Variants in R3HDM1 observed in about 807,000 individuals in gnomAD.
R3HDM1 encodes the protein R3H domain containing 1.
In R3HDM1, 46 loss-of-function variants were observed where a neutral mutation model predicts 141.1. The observed-to-expected ratio is 0.33, with a 90% CI of 0.26 to 0.42. The LOEUF is 0.42. Among genes scored for constraint, R3HDM1 ranks in the 10% least tolerant of loss-of-function variants. The pLI, the probability that R3HDM1 is intolerant of heterozygous loss-of-function variation, is 1.00. For missense variants in R3HDM1, 1,184 were observed against 1,368.3 expected (o/e 0.87, Z 2.12); for synonymous variants, 435 against 472.9 (o/e 0.92, Z 1.04).
At chr2:135,580,584 G>A (rs1706584192) in intron 1 of R3HDM1, among the ~76,000 whole-genome samples, 1 of 152,122 alleles carries the variant, frequency 6.6e-6, no homozygotes, top group African/African-American at 2.4e-5. Context: ...CCCTTTAAGT[G>A]AAAAATCTGT....
intron 1 of R3HDM1, among the ~76,000 whole-genome samples, chr2:135,537,174 TAAA>T (rs60737602): frequency 1.0e-4 from 12 of 115,216 alleles, no homozygotes; most frequent in East Asian, 4.8e-4. Context: ...CTCTGGAATT[TAAA>T]AAAAAAAAAA....
In R3HDM1 at chr2:135,623,630, A is replaced by G. The variant is rs78496088; in HGVS notation, c.497+898A>G. On this transcript the variant is annotated intron_variant, in intron 7 of 26. Transcript: ENST00000683871. ...ATAGGTAAGGATTTAGAGAGAAGGT[A>G]GGCAACTCTCCTTGACTTTTTTTCC... Among the ~76,000 whole-genome samples the G allele has an allele frequency of 9.0e-3, 1,370 of 152,328 alleles. 19 individuals carry two copies. The highest frequency in any genetic ancestry group is 0.03 in the African/African-American group (1,234 of 41,566).
intron 18 of R3HDM1, among the ~76,000 whole-genome samples, chr2:135,658,960 C>T (rs1245957556): frequency 6.6e-6 from 1 of 152,112 alleles, no homozygotes; most frequent in African/African-American, 2.4e-5. Flanking sequence ...CAGTAACACA[C>T]GTGGAGCTGT....
chr2:135,668,994 A>G (rs1014933031), intron 19 of R3HDM1: 4 of 339,214 alleles, frequency 1.2e-5, no homozygotes, highest in African/African-American at 8.9e-5. Context: ...GGAACCTGAA[A>G]TAGTGTCACT....
intron 21 of R3HDM1, among the ~76,000 whole-genome samples, chr2:135,690,254 A>C (rs530179601): frequency 6.6e-6 from 1 of 152,072 alleles, no homozygotes; most frequent in Non-Finnish European, 1.5e-5. Context: ...TGTTTGCCTC[A>C]GCTATCCTTT....
chr2:135,554,747 T>C (rs186138660), intron 1 of R3HDM1, among the ~76,000 whole-genome samples: 1 of 152,278 alleles, frequency 6.6e-6, no homozygotes, highest in African/African-American at 2.4e-5. Flanking sequence ...AAATGGCCAT[T>C]TACAAGCCAA....
chr2:135,576,864 G>T (rs1178907718), intron 1 of R3HDM1: 1 of 161,054 alleles, frequency 6.2e-6, no homozygotes. Flanking sequence ...GGTCTAAAGA[G>T]GGGTGACTGA....
At chr2:135,576,945 G>C (rs1705578734) in intron 1 of R3HDM1, 3 of 273,524 alleles carry the variant, frequency 1.1e-5, no homozygotes, top group Non-Finnish European at 1.7e-5. Flanking sequence ...CTACACAACT[G>C]TATGAATATA....
intron 11 of R3HDM1, among the ~76,000 whole-genome samples, 191 bp from the exon 12 acceptor site, chr2:135,638,427 T>C (rs1344854905): frequency 6.6e-6 from 1 of 152,246 alleles, no homozygotes; most frequent in Non-Finnish European, 1.5e-5. Flanking sequence ...ATGTATATTA[T>C]ATATTTGTTA....
chr2:135,592,896 C>A (rs1709631940), intron 1 of R3HDM1, among the ~76,000 whole-genome samples: 1 of 151,972 alleles, frequency 6.6e-6, no homozygotes, highest in Non-Finnish European at 1.5e-5. Flanking sequence ...CGGGCATGTG[C>A]CACCATACTC....
chr2:135,640,092 C>G (rs570607195), intron 14 of R3HDM1, among the ~76,000 whole-genome samples: 2 of 150,400 alleles, frequency 1.3e-5, no homozygotes, highest in Admixed American at 6.6e-5. Flanking sequence ...GAGCGAGACT[C>G]CGTCTCAAAA....
At chr2:135,680,135 A>G in intron 20 of R3HDM1, 38 bp from the exon 21 acceptor site, 2 of 1,596,192 alleles carry the variant, frequency 1.3e-6, no homozygotes, top group South Asian at 2.2e-5. Context: ...GGCCTTGAAA[A>G]AAACCTTTTT....
intron 3 of R3HDM1, chr2:135,605,251 T>C (rs2059946015): frequency 3.8e-6 from 1 of 262,632 alleles, no homozygotes; most frequent in South Asian, 7.1e-5. Flanking sequence ...TTATTGGCTT[T>C]CTACTTTCTC....
At chr2:135,556,246 A>C (rs1700739735) in intron 1 of R3HDM1, among the ~76,000 whole-genome samples, 1 of 152,086 alleles carries the variant, frequency 6.6e-6, no homozygotes, top group Non-Finnish European at 1.5e-5. Context: ...GATGACTAAG[A>C]GCAGTGGGGT....
intron 1 of R3HDM1, among the ~76,000 whole-genome samples, chr2:135,594,977 A>ACCCC (rs58907969): frequency 2.1e-4 from 29 of 139,366 alleles, no homozygotes; most frequent in African/African-American, 2.9e-4. Flanking sequence ...GGGATTCTAC[A>ACCCC]CCCCCCCCCC....
chr2:135,599,692 C>T (rs933910347), intron 1 of R3HDM1, among the ~76,000 whole-genome samples: 2 of 152,146 alleles, frequency 1.3e-5, no homozygotes, highest in African/African-American at 4.8e-5. Flanking sequence ...AAAGCTGAAA[C>T]ATCCCTTTTA....
Position 135,639,087 on chromosome 2 carries a change from G to C in R3HDM1, c.1184G>C (p.Gly395Ala). Residue 395 changes from glycine (G) to alanine (A), a missense_variant, in exon 14 of 27, where the codon GGA becomes GCA. Gly to Ala is a moderately conservative substitution (Grantham distance 60). Coordinates refer to ENST00000683871, the MANE Select transcript of R3HDM1 (RefSeq NM_001378107.1). ...ISVLTRGDSS[G>A]SSKSIGRLSK... The stretch of plus-strand genomic sequence containing the variant: ...GTCCTGACAAGAGGTGATAGTTCTG[G>C]AAGCAGCAAAAGCATAGGCAGGCTT... The C allele has an allele frequency of 6.2e-7, 1 of 1,614,142 alleles. No individual in the cohort carries two copies. Among genetic ancestry groups the C allele is most frequent in the Non-Finnish European group, 8.5e-7 (1 of 1,180,006 alleles).
intron 20 of R3HDM1, among the ~76,000 whole-genome samples, chr2:135,679,099 TAAAG>T (rs2069766587): frequency 1.8e-5 from 2 of 111,848 alleles, no homozygotes; most frequent in Non-Finnish European, 3.5e-5. Context: ...TTTTTTTAAA[TAAAG>T]ATCCTTCAGG....
intron 1 of R3HDM1, among the ~76,000 whole-genome samples, chr2:135,544,337 T>C (rs1698244812): frequency 6.6e-6 from 1 of 152,204 alleles, no homozygotes; most frequent in African/African-American, 2.4e-5. Flanking sequence ...AAAAATGTGT[T>C]GATCAAAGTT....
Sources: allele counts gnomAD v4.1 joint callset (sites outside exome capture counted in the v4.1 genomes callset), GRCh38; gene constraint gnomAD v4.1.1; transcripts MANE v1.5; gene names NCBI Gene and HGNC (gene_info 2026-07-23, HGNC 2026-07-21).